The following RIDA variants were observed in gnomAD, a reference collection of about 807,000 sequenced individuals.
The protein encoded by RIDA is 2-iminobutanoate/2-iminopropanoate deaminase.
A neutral mutation model predicts 17.8 loss-of-function variants in RIDA; 17 were observed. The observed-to-expected ratio is 0.96, with a 90% CI of 0.65 to 1.43. RIDA has a LOEUF of 1.43. Ranked by LOEUF, RIDA falls within the 40% of genes most tolerant of loss-of-function variation. The pLI is 0.00. For missense variants in RIDA, 158 were observed against 161.7 expected, an observed-to-expected ratio of 0.98 and a Z score of 0.12; for synonymous variants, 48 against 55.7, an observed-to-expected ratio of 0.86 and a Z score of 0.62.
intron 1 of RIDA, among the ~76,000 whole-genome samples, chr8:98,116,528 T>C (rs1314429298): frequency 6.6e-6 from 1 of 152,120 alleles, no homozygotes; most frequent in African/African-American, 2.4e-5. Flanking sequence ...TGCAAGTAGA[T>C]TGTCAGGGGC....
chr8:98,104,925 G>A (rs1351758458), intron 4 of RIDA, among the ~76,000 whole-genome samples: 2 of 151,824 alleles, frequency 1.3e-5, no homozygotes, highest in African/African-American at 4.8e-5. Flanking sequence ...TGGCCAGACT[G>A]GTCTCAAACT....
intron 1 of RIDA, among the ~76,000 whole-genome samples, chr8:98,115,860 T>A (rs1466963435): frequency 2.0e-5 from 3 of 152,218 alleles, no homozygotes; most frequent in African/African-American, 7.2e-5. Flanking sequence ...CCTTTTTCAA[T>A]TAACTTGTTA....
intron 1 of RIDA, among the ~76,000 whole-genome samples, chr8:98,112,801 G>A (rs1297686039): frequency 6.6e-6 from 1 of 152,056 alleles, no homozygotes; most frequent in Admixed American, 6.6e-5. Flanking sequence ...CCCCATATCT[G>A]AAACACACTT....
chr8:98,108,709 C>T lies in RIDA; in HGVS notation c.108G>A (p.Gln36=). 6.2e-7 allele frequency: 1 copy of T among 1,613,778 alleles called. No individual in the cohort carries two copies. Among genetic ancestry groups the T allele is most frequent in the Non-Finnish European group, 8.5e-7 (1 of 1,179,718 alleles). ...GTCCACTTGAAGGGTCCATGCCTAT[C>T]TGTCCTGAAATGTAAATGGTCCTGT... ...LVDRTIYISG[Q]IGMDPSSGQL... Residue 36 remains glutamine (Q), a synonymous_variant, in exon 2 of 6, where the codon CAG becomes CAA. Transcript: ENST00000254878.
Position 98,115,694 on chromosome 8 carries a change from G to A in RIDA, c.65+1338C>T, listed in dbSNP as rs578046094. ...GCGTGAACCACAGTACCCGGCTAAAGAAACATCACTCTTAACAAAGAGAGA... is the reference window on the plus strand; with the variant it reads ...GCGTGAACCACAGTACCCGGCTAAAAAAACATCACTCTTAACAAAGAGAGA... On this transcript the variant is annotated intron_variant, in intron 1 of 5. Coordinates refer to ENST00000254878, the MANE Select transcript of RIDA (RefSeq NM_005836.3). 2.4e-4 allele frequency among the ~76,000 whole-genome samples: 36 copies of A among 152,096 alleles called. 1 individual carries two copies. The South Asian group carries it at 7.1e-3, about 30-fold the overall frequency.
At chr8:98,103,783 T>C (rs530844527) in intron 5 of RIDA, among the ~76,000 whole-genome samples, 115 of 151,860 alleles carry the variant, frequency 7.6e-4, no homozygotes, top group Non-Finnish European at 1.3e-3. Context: ...ACTACAGGCG[T>C]CCGCCACCAC....
rs746724990 is a variant in RIDA at position 98,106,302 on chromosome 8, G to T, written c.196C>A (p.Leu66Met). ...GTGAAGTCACAGCCTGCAGCTTTCA[G>T]AATTTCACCCATGTTTTTAAGAGCC... is the stretch of plus-strand genomic sequence containing the variant. ...KQALKNMGEI[L>M]KAAGCDFTNV... The change falls in exon 3 of 6, where the codon CTG becomes ATG. Residue 66 changes from leucine (L) to methionine (M), a missense_variant. Transcript: ENST00000254878. 1.2e-6 allele frequency: 2 copies of T among 1,613,712 alleles called. No homozygotes were observed. The highest frequency in any genetic ancestry group is 2.7e-5 in the African/African-American group (2 of 74,922).
chr8:98,105,808 A>G, intron 4 of RIDA, 130 bp downstream of exon 4: 1 of 596,876 alleles, frequency 1.7e-6, no homozygotes, highest in Non-Finnish European at 3.0e-6. Context: ...CAGATTATTA[A>G]TTCTTTTAAG....
chr8:98,103,929 C>T (rs532533694), intron 5 of RIDA, among the ~76,000 whole-genome samples: 18 of 152,066 alleles, frequency 1.2e-4, no homozygotes, highest in African/African-American at 4.1e-4. Context: ...TGAGCCACCG[C>T]GCCTGGCCTT....
At chr8:98,111,859 GAA>G (rs1240985252) in intron 1 of RIDA, among the ~76,000 whole-genome samples, 2 of 151,936 alleles carry the variant, frequency 1.3e-5, no homozygotes, top group African/African-American at 2.4e-5. Flanking sequence ...GAATTGCAGT[GAA>G]AAGTCTTTCT....
chr8:98,106,921 A>G (rs1178588888), intron 2 of RIDA, among the ~76,000 whole-genome samples: 1 of 152,184 alleles, frequency 6.6e-6, no homozygotes, highest in Non-Finnish European at 1.5e-5. Flanking sequence ...AAAACTCAAA[A>G]GCTATTAAAA....
chr8:98,108,285 A>G (rs987941087), intron 2 of RIDA, among the ~76,000 whole-genome samples: 1 of 150,736 alleles, frequency 6.6e-6, no homozygotes, highest in African/African-American at 2.4e-5. Context: ...AAAAATGTTG[A>G]CTTTTTACTT....
rs1411692292 is a variant in RIDA at position 98,105,147 on chromosome 8, AATAC to A, written c.296-607_296-604del. On this transcript the variant is annotated intron_variant, in intron 4 of 5. Coordinates refer to ENST00000254878, the MANE Select transcript of RIDA (RefSeq NM_005836.3). ...AAAAAAAAAAAAAAAAAAAAAAAGA[AATAC>A]ATACCCTAACATTTTGATCTTGTTT... Among the ~76,000 whole-genome samples, 69 of 150,000 alleles carry A rather than the reference AATAC, an allele frequency of 4.6e-4. No homozygotes were observed. In the East Asian group the frequency reaches 0.013, roughly 28 times the overall value.
chr8:98,116,007 C>T (rs145757715), intron 1 of RIDA, among the ~76,000 whole-genome samples: 3 of 152,236 alleles, frequency 2.0e-5, no homozygotes, highest in Non-Finnish European at 2.9e-5. Context: ...ATCTTTATAC[C>T]ATGCATTCTT....
At chr8:98,106,068 G>T in intron 3 of RIDA, 62 bp from the exon 4 acceptor site, 1 of 1,249,608 alleles carries the variant, frequency 8.0e-7, no homozygotes. Flanking sequence ...ACATTACTTA[G>T]AAAAAGAGTG....
chr8:98,113,477 A>G (rs1183568137), intron 1 of RIDA, among the ~76,000 whole-genome samples: 1 of 152,174 alleles, frequency 6.6e-6, no homozygotes, highest in Non-Finnish European at 1.5e-5. Context: ...GAAAATAAGC[A>G]CCATTTCTAG....
At chr8:98,115,095 T>G (rs866195591) in intron 1 of RIDA, among the ~76,000 whole-genome samples, 2 of 152,126 alleles carry the variant, frequency 1.3e-5, no homozygotes, top group South Asian at 4.2e-4. Context: ...CTTAGAACAG[T>G]GCCTGGTGCT....
chr8:98,112,142 TAATG>T (rs1815737631), intron 1 of RIDA, among the ~76,000 whole-genome samples: 1 of 152,024 alleles, frequency 6.6e-6, no homozygotes, highest in Admixed American at 6.6e-5. Flanking sequence ...GTACTTTATT[TAATG>T]AGTCACCATT....
At chr8:98,112,967 T>C (rs1266389017) in intron 1 of RIDA, among the ~76,000 whole-genome samples, 2 of 152,200 alleles carry the variant, frequency 1.3e-5, no homozygotes, top group Non-Finnish European at 2.9e-5. Flanking sequence ...ATAAGAATAA[T>C]TGGCTAGTTG....
Sources: allele counts gnomAD v4.1 joint callset (sites outside exome capture counted in the v4.1 genomes callset), GRCh38; gene constraint gnomAD v4.1.1; transcripts MANE v1.5; gene names NCBI Gene and HGNC (gene_info 2026-07-23, HGNC 2026-07-21).